The following SYT9 variants were observed in gnomAD, a reference collection of about 807,000 sequenced individuals.
SYT9 encodes the protein synaptotagmin-9.
A neutral mutation model predicts 48.4 loss-of-function variants in SYT9; 22 were observed. That is an observed-to-expected ratio of 0.45 (90% CI 0.32 to 0.65). SYT9 has a LOEUF of 0.65. Among genes scored for constraint, SYT9 ranks in the 30% least tolerant of loss-of-function variants. SYT9 has a pLI of 0.03. For synonymous variants in SYT9, 265 were observed against 245.0 expected (o/e 1.08, Z -0.76); for missense variants, 577 against 622.0 (o/e 0.93, Z 0.77).
chr11:7,252,374 G>A lies in SYT9; in HGVS notation c.145+43G>A, dbSNP rs200599509. On this transcript the variant is annotated intron_variant, in intron 1 of 6. Transcript: ENST00000318881. This position sits in a 1 kb window ranked among gnomAD's most constrained non-coding sequence, Gnocchi z 6.3. Reference sequence around the variant, plus strand: ...CGCCTGGAGGGACCTAAGGGCCCTGGGCTGGGACTTGGGGCCGCACCGGGG... The same window carrying A: ...CGCCTGGAGGGACCTAAGGGCCCTGAGCTGGGACTTGGGGCCGCACCGGGG... 2.9e-6 allele frequency: 4 copies of A among 1,392,606 alleles called. No homozygotes were observed. The East Asian group carries it at 1.2e-4, about 42-fold the overall frequency. 86.3% of individuals were successfully genotyped at this position (1,392,606 alleles called of 1,614,324 possible).
At chr11:7,386,939 A>T (rs1374677541) in intron 3 of SYT9, among the ~76,000 whole-genome samples, 2 of 152,246 alleles carry the variant, frequency 1.3e-5, no homozygotes, top group Non-Finnish European at 2.9e-5. Context: ...AAAATGTGGC[A>T]CATATACACC....
intron 6 of SYT9, among the ~76,000 whole-genome samples, chr11:7,465,351 CAT>C (rs1037900543): frequency 3.9e-5 from 6 of 152,210 alleles, no homozygotes; most frequent in African/African-American, 1.4e-4. Context: ...TATAGCCTCA[CAT>C]GTGAACTTTT....
intron 6 of SYT9, among the ~76,000 whole-genome samples, chr11:7,448,529 C>T (rs1449521995): frequency 3.3e-4 from 50 of 152,322 alleles, no homozygotes; most frequent in Admixed American, 3.1e-3. Flanking sequence ...GCCGCTTTAG[C>T]AAGATGACTG....
intron 3 of SYT9, among the ~76,000 whole-genome samples, chr11:7,339,746 C>A (rs1269594191): frequency 6.6e-6 from 1 of 152,098 alleles, no homozygotes; most frequent in African/African-American, 2.4e-5. Context: ...ATGGTGTTCC[C>A]TTTGTAGGTG....
chr11:7,396,293 G>A (rs1308885781), intron 3 of SYT9, among the ~76,000 whole-genome samples: 3 of 151,956 alleles, frequency 2.0e-5, no homozygotes, highest in African/African-American at 4.8e-5. Flanking sequence ...GCTTTTCCTA[G>A]AATTTGATGT....
intron 3 of SYT9, among the ~76,000 whole-genome samples, chr11:7,319,192 C>CTTTTTTTTTTTTTT (rs71056795): frequency 5.8e-5 from 5 of 86,186 alleles, no homozygotes; most frequent in African/African-American, 1.8e-4. Flanking sequence ...TCTTCTTTTT[C>CTTTTTTTTTTTTTT]TTTTTTTTTT....
chr11:7,432,582 A>AAT (rs1847619609), intron 6 of SYT9, among the ~76,000 whole-genome samples: 3 of 3,510 alleles, frequency 8.5e-4, no homozygotes, highest in Non-Finnish European at 1.1e-3. Flanking sequence ...AAAAAAAAAA[A>AAT]ATATATATAC....
Position 7,467,050 on chromosome 11 carries a change from C to G in SYT9, c.*250C>G, listed in dbSNP as rs959968662. The G allele has an allele frequency of 3.8e-6, 2 of 520,276 alleles. No homozygotes were observed. The highest frequency in any genetic ancestry group is 3.5e-6 in the Non-Finnish European group (1 of 286,314). The allele number at this position is 520,276 out of a possible 1,614,324, so 32.2% of individuals were successfully genotyped here. ...TGTCTCTCATGCCAAGAACCAAGAT[C>G]GGACTATGAACAAAAACAAATGATA... is the stretch of plus-strand genomic sequence containing the variant. On this transcript the variant is annotated 3_prime_UTR_variant, in exon 7 of 7. Transcript: ENST00000318881.
intron 2 of SYT9, among the ~76,000 whole-genome samples, chr11:7,310,314 A>G (rs1207674567): frequency 1.4e-5 from 2 of 145,992 alleles, no homozygotes; most frequent in Non-Finnish European, 3.0e-5. Context: ...TTGTATCTCT[A>G]GTAGAGACAG....
chr11:7,299,132 ATCTC>A (rs1445261396), intron 1 of SYT9, among the ~76,000 whole-genome samples: 1 of 152,242 alleles, frequency 6.6e-6, no homozygotes, highest in Admixed American at 6.5e-5. Context: ...ACAATAATAT[ATCTC>A]ATGAACACAT....
intron 3 of SYT9, among the ~76,000 whole-genome samples, chr11:7,405,293 A>C (rs1846984704): frequency 6.6e-6 from 1 of 152,138 alleles, no homozygotes; most frequent in Non-Finnish European, 1.5e-5. Flanking sequence ...TCTACCCACT[A>C]GATATCAGTA....
At chr11:7,242,561 TA>T (rs1847750296) in intron 1 of SYT9, among the ~76,000 whole-genome samples, 1 of 152,216 alleles carries the variant, frequency 6.6e-6, no homozygotes, top group African/African-American at 2.4e-5. Context: ...CAAAAAACAG[TA>T]AAAATAATTT....
At chr11:7,416,211 A>T (rs777063408) in intron 4 of SYT9, 49 bp downstream of exon 4, 1 of 1,609,502 alleles carries the variant, frequency 6.2e-7, no homozygotes, top group Admixed American at 1.7e-5. Context: ...TACTGTAGTA[A>T]GTACCTTATA....
chr11:7,432,107 A>G (rs1847586128), intron 6 of SYT9, among the ~76,000 whole-genome samples: 1 of 152,194 alleles, frequency 6.6e-6, no homozygotes, highest in Admixed American at 6.5e-5. Context: ...AGCCACAGGT[A>G]TTCAACCCTA....
At chr11:7,461,749 GA>G (rs1453847114) in intron 6 of SYT9, among the ~76,000 whole-genome samples, 1 of 152,172 alleles carries the variant, frequency 6.6e-6, no homozygotes, top group Non-Finnish European at 1.5e-5. Flanking sequence ...TACATGTAAT[GA>G]ATATTAATTT....
chr11:7,429,039 C>G (rs767840959), intron 6 of SYT9, among the ~76,000 whole-genome samples: 43 of 152,268 alleles, frequency 2.8e-4, no homozygotes, highest in Non-Finnish European at 4.4e-4. Flanking sequence ...ACTCCAGCAA[C>G]AAAAAGCAGA....
chr11:7,336,421 A>G (rs530199889), intron 3 of SYT9, among the ~76,000 whole-genome samples: 116 of 152,188 alleles, frequency 7.6e-4, no homozygotes, highest in African/African-American at 2.6e-3. Context: ...TGCCATTTCT[A>G]TGTCCAGAAT....
At chr11:7,434,858 TC>T (rs1005692043) in intron 6 of SYT9, 1 of 152,218 alleles carries the variant, frequency 6.6e-6, no homozygotes. Flanking sequence ...GTTTTATGTT[TC>T]TTAAAGTTAC....
intron 3 of SYT9, among the ~76,000 whole-genome samples, chr11:7,354,101 C>CTG (rs1849971740): frequency 6.6e-6 from 1 of 152,124 alleles, no homozygotes; most frequent in African/African-American, 2.4e-5. Context: ...AAGAGGGTAC[C>CTG]TGTGTCCATC....
Sources: gnomAD v4.1 joint callset for allele counts (sites outside exome capture counted in the v4.1 genomes callset) on GRCh38, gnomAD v4.1.1 for gene constraint, Gnocchi (gnomAD v3.1) non-coding constraint, MANE v1.5 for transcripts, NCBI Gene and HGNC (gene_info 2026-07-23, HGNC 2026-07-21) for gene names.